DENND1A: variants seen among roughly 807,000 people sequenced by gnomAD.
DENND1A encodes DENN domain-containing protein 1A.
A neutral mutation model predicts 113.7 loss-of-function variants in DENND1A; 51 were observed. The ratio of observed to expected loss-of-function variants is 0.45; its 90% CI spans 0.36 to 0.57. The LOEUF (loss-of-function observed/expected upper bound fraction) is 0.57. DENND1A is among the 20% of genes least tolerant of loss of function. The pLI is 0.00. For missense variants in DENND1A, 1,258 were observed against 1,395.9 expected (o/e 0.90, Z 1.57); for synonymous variants, 565 against 570.8 (o/e 0.99, Z 0.14).
At chr9:123,562,205 C>G (rs2057798326) in intron 12 of DENND1A, among the ~76,000 whole-genome samples, 1 of 152,204 alleles carries the variant, frequency 6.6e-6, no homozygotes, top group South Asian at 2.1e-4. Context: ...TGTCCTCCAT[C>G]AGCCTCACTT....
At chr9:123,442,752 C>T (rs896056046) in intron 18 of DENND1A, among the ~76,000 whole-genome samples, 6 of 152,180 alleles carry the variant, frequency 3.9e-5, no homozygotes, top group African/African-American at 1.4e-4. Flanking sequence ...AAAATACTAT[C>T]GTCTAGTTTT....
At chr9:123,651,663 C>A (rs1238026151) in intron 9 of DENND1A, among the ~76,000 whole-genome samples, 1 of 152,096 alleles carries the variant, frequency 6.6e-6, no homozygotes, top group Non-Finnish European at 1.5e-5. Context: ...TAATGAACAA[C>A]CTAAATGGCC....
At chr9:123,520,044 C>T (rs1254502259) in intron 13 of DENND1A, among the ~76,000 whole-genome samples, 1 of 146,500 alleles carries the variant, frequency 6.8e-6, no homozygotes, top group Admixed American at 7.1e-5. Flanking sequence ...CCTGTGGTCC[C>T]AATTACATGG....
chr9:123,758,992 G>A (rs1025810124), intron 4 of DENND1A, among the ~76,000 whole-genome samples: 2 of 151,984 alleles, frequency 1.3e-5, no homozygotes, highest in African/African-American at 4.8e-5. Flanking sequence ...TAGTAGAGAC[G>A]GGGTTTCTCC....
At chr9:123,880,598 C>T (rs59109137) in intron 1 of DENND1A, among the ~76,000 whole-genome samples, 275 of 152,220 alleles carry the variant, frequency 1.8e-3, no homozygotes, top group African/African-American at 6.3e-3. Context: ...ATATGCCCAG[C>T]GGCATCTACT....
At chr9:123,636,279 T>C (rs1348141019) in intron 9 of DENND1A, among the ~76,000 whole-genome samples, 1 of 151,970 alleles carries the variant, frequency 6.6e-6, no homozygotes, top group Admixed American at 6.6e-5. Flanking sequence ...ACGACGGCTA[T>C]GGATTTGAGC....
intron 11 of DENND1A, among the ~76,000 whole-genome samples, chr9:123,604,454 A>G (rs1393208325): frequency 6.6e-6 from 1 of 152,230 alleles, no homozygotes; most frequent in Non-Finnish European, 1.5e-5. Context: ...ATTTTTATAC[A>G]GAGCCCCTAG....
intron 1 of DENND1A, among the ~76,000 whole-genome samples, chr9:123,888,956 C>CTG (rs58270598): frequency 0.066 from 8,611 of 131,054 alleles, 312 homozygotes; most frequent in African/African-American, 0.095. Context: ...GTGCTTTAAA[C>CTG]TGTGTGTGTG....
intron 21 of DENND1A, among the ~76,000 whole-genome samples, chr9:123,397,215 CA>C (rs1334768506): frequency 6.6e-6 from 1 of 152,120 alleles, no homozygotes; most frequent in African/African-American, 2.4e-5. Context: ...AGGGCAGTGG[CA>C]TGATCTCTGT....
intron 3 of DENND1A, among the ~76,000 whole-genome samples, chr9:123,778,825 C>T (rs1590049020): frequency 6.6e-6 from 1 of 152,116 alleles, no homozygotes; most frequent in Admixed American, 6.6e-5. Flanking sequence ...CACCCAAAAA[C>T]CCAAATTCAG....
chr9:123,788,247 A>T (rs1259392091), intron 3 of DENND1A, among the ~76,000 whole-genome samples: 2 of 152,176 alleles, frequency 1.3e-5, no homozygotes, highest in Non-Finnish European at 2.9e-5. Flanking sequence ...ATTATACTTG[A>T]CACATTACAA....
intron 2 of DENND1A, among the ~76,000 whole-genome samples, chr9:123,873,419 T>G (rs1369838976): frequency 6.6e-6 from 1 of 152,180 alleles, no homozygotes; most frequent in Non-Finnish European, 1.5e-5. Context: ...GAGGGACAGT[T>G]TACAATACAT....
At chr9:123,907,155 AC>A (rs1852994972) in intron 1 of DENND1A, among the ~76,000 whole-genome samples, 1 of 145,542 alleles carries the variant, frequency 6.9e-6, no homozygotes, top group Admixed American at 6.9e-5. Flanking sequence ...ACAAAATTCA[AC>A]AACCCTTCAT....
chr9:123,576,679 G>A (rs985420069), intron 12 of DENND1A, among the ~76,000 whole-genome samples: 14 of 152,020 alleles, frequency 9.2e-5, no homozygotes, highest in African/African-American at 2.4e-4. Context: ...TTGTAGAGAC[G>A]GGGTTTCACC....
intron 5 of DENND1A, among the ~76,000 whole-genome samples, chr9:123,699,711 T>TC (rs1417105334): frequency 6.8e-6 from 1 of 147,814 alleles, no homozygotes; most frequent in Non-Finnish European, 1.5e-5. Flanking sequence ...TTTTTTTTTT[T>TC]ATTGGAGACA....
intron 13 of DENND1A, among the ~76,000 whole-genome samples, chr9:123,461,259 T>A (rs1190630622): frequency 1.3e-5 from 2 of 152,164 alleles, no homozygotes; most frequent in Non-Finnish European, 2.9e-5. Context: ...GCTGGGATAG[T>A]CTTCACTGGT....
intron 3 of DENND1A, among the ~76,000 whole-genome samples, chr9:123,785,142 T>A (rs1479457466): frequency 6.6e-6 from 1 of 151,980 alleles, no homozygotes; most frequent in Non-Finnish European, 1.5e-5. Flanking sequence ...GAGTTGAAGG[T>A]CATCCTGGGC....
intron 19 of DENND1A, among the ~76,000 whole-genome samples, chr9:123,431,335 G>A (rs2046119852): frequency 6.6e-6 from 1 of 152,166 alleles, no homozygotes; most frequent in Non-Finnish European, 1.5e-5. Context: ...ACCAGGTACA[G>A]GATACCAGCT....
chr9:123,681,658 G>A (rs2064469569), intron 5 of DENND1A, among the ~76,000 whole-genome samples: 1 of 152,102 alleles, frequency 6.6e-6, no homozygotes, highest in African/African-American at 2.4e-5. Context: ...TGTAACTGTG[G>A]GGCATCATGA....
Sources: allele counts gnomAD v4.1 joint callset (sites outside exome capture counted in the v4.1 genomes callset), GRCh38; gene constraint gnomAD v4.1.1; transcripts MANE v1.5; gene names NCBI Gene and HGNC (gene_info 2026-07-23, HGNC 2026-07-21).